Variants in MPP3 observed in about 807,000 individuals in gnomAD.
MPP3 encodes MAGUK p55 scaffold protein 3.
MPP3 carries 48 observed loss-of-function variants against 80.7 expected under a neutral mutation model. The observed-to-expected ratio is 0.59, with a 90% confidence interval of 0.47 to 0.76. MPP3 has a LOEUF of 0.76. MPP3 is among the 30% of genes least tolerant of loss of function. The probability of loss-of-function intolerance (pLI) is 0.00; values close to 1 mark genes in which losing one functional copy is unlikely to be tolerated. For missense variants in MPP3, 620 were observed against 763.0 expected, an observed-to-expected ratio of 0.81 and a Z score of 2.21; for synonymous variants, 311 against 297.6, an observed-to-expected ratio of 1.04 and a Z score of -0.46.
At chr17:43,828,484 G>A (rs1373098272) in intron 7 of MPP3, among the ~76,000 whole-genome samples, 1 of 152,180 alleles carries the variant, frequency 6.6e-6, no homozygotes, top group South Asian at 2.1e-4. Context: ...CAGTTCTGCC[G>A]TTTACAAAAA....
chr17:43,824,887 G>A (rs995649807), intron 9 of MPP3, among the ~76,000 whole-genome samples: 1 of 152,154 alleles, frequency 6.6e-6, no homozygotes, highest in Non-Finnish European at 1.5e-5. Flanking sequence ...CAATTCTCCT[G>A]CCTCAGCCTC....
chr17:43,830,550 T>G (rs951440358), intron 5 of MPP3, among the ~76,000 whole-genome samples: 2 of 151,940 alleles, frequency 1.3e-5, no homozygotes, highest in African/African-American at 4.8e-5. Context: ...CTCAGAGAGG[T>G]TGAGTGGCCT....
chr17:43,829,524 T>G, intron 7 of MPP3, 130 bp downstream of exon 7: 1 of 1,071,008 alleles, frequency 9.3e-7, no homozygotes, highest in Non-Finnish European at 1.3e-6. Context: ...ACCACAGGGA[T>G]GAGCAGCAGC....
Position 43,823,920 on chromosome 17 carries a change from C to CT in MPP3, c.684+10_684+11insA. On this transcript the variant is annotated intron_variant, in intron 10 of 19. Coordinates refer to ENST00000398389, the MANE Select transcript of MPP3 (RefSeq NM_001932.6). ...GCTGAGAGAGGGCACCGCGGACCCA[C>CT]CTCCCCATACCTTGCTCTCCTTTAA... is the stretch of plus-strand genomic sequence containing the variant. The CT allele has an allele frequency of 6.2e-7, 1 of 1,605,574 alleles. No homozygotes were observed. The highest frequency in any genetic ancestry group is 8.5e-7 in the Non-Finnish European group (1 of 1,175,872).
intron 5 of MPP3, 82 bp downstream of exon 5, chr17:43,831,162 C>T: frequency 7.4e-7 from 1 of 1,345,488 alleles, no homozygotes; most frequent in South Asian, 1.2e-5. Flanking sequence ...GGTGTCCCCA[C>T]ACTAAGCAAG....
At chr17:43,815,066 G>A (rs115197238) in intron 14 of MPP3, among the ~76,000 whole-genome samples, 175 of 152,344 alleles carry the variant, frequency 1.1e-3, no homozygotes, top group African/African-American at 4.1e-3. Context: ...GGGTGCAGTG[G>A]CTCATGCCTG....
In MPP3 at chr17:43,820,887, T is replaced by C. The variant is rs1180322786; in HGVS notation, c.856A>G (p.Ile286Val). Residue 286 changes from isoleucine (I) to valine (V), a missense_variant, in exon 11 of 20, where the codon ATC becomes GTC. Transcript: ENST00000398389. The stretch of plus-strand genomic sequence containing the variant: ...CTCTCCTGGAACCCCTTGGAGGGGA[T>C]GAGGCCGGCTCGAAGGTTGGTGTCC... Reference protein sequence around the residue: ...VGDTNLRAGLIPSKGFQERRL... With the variant: ...VGDTNLRAGLVPSKGFQERRL... The C allele has an allele frequency of 1.2e-6, 2 of 1,614,186 alleles. No individual in the cohort carries two copies. The highest frequency in any genetic ancestry group is 2.2e-5 in the South Asian group (2 of 91,088).
At chr17:43,820,603 A>AT (rs1264169757) in intron 11 of MPP3, among the ~76,000 whole-genome samples, 49 of 127,602 alleles carry the variant, frequency 3.8e-4, no homozygotes, top group African/African-American at 1.6e-3. Flanking sequence ...AAAAAAAAAA[A>AT]ATACACACAC....
At chr17:43,801,937 A>G (rs984326645) in intron 19 of MPP3, 60 bp from the exon 20 acceptor site, 2 of 1,536,836 alleles carry the variant, frequency 1.3e-6, no homozygotes. Flanking sequence ...CAAACCTATA[A>G]CCTTTGTCTT....
At chr17:43,821,792 GA>G (rs1388318872) in intron 10 of MPP3, among the ~76,000 whole-genome samples, 1 of 150,396 alleles carries the variant, frequency 6.6e-6, no homozygotes, top group South Asian at 2.1e-4. Flanking sequence ...TGGCAAACAG[GA>G]AAAAAAAAGC....
At chr17:43,803,368 CGT>C (rs2044490157) in intron 19 of MPP3, among the ~76,000 whole-genome samples, 1 of 152,172 alleles carries the variant, frequency 6.6e-6, no homozygotes, top group Non-Finnish European at 1.5e-5. Context: ...GGAGTAAAAA[CGT>C]GTGACATTTG....
chr17:43,815,996 T>G lies in MPP3; in HGVS notation c.1009+42A>C, dbSNP rs747250118. On this transcript the variant is annotated intron_variant, in intron 14 of 19. Coordinates refer to ENST00000398389, the MANE Select transcript of MPP3 (RefSeq NM_001932.6). ...CTCTCCCTAACTCTGGGGCCTTGGG[T>G]GGGGCAGGTCGTGCATGTGGGTGTC... The G allele has an allele frequency of 4.1e-6, 6 of 1,462,858 alleles. No individual in the cohort carries two copies. The Admixed American group carries it at 1.7e-4, about 43-fold the overall frequency. The allele number at this position is 1,462,858 out of a possible 1,614,324, so 90.6% of individuals were successfully genotyped here.
intron 17 of MPP3, 73 bp from the exon 18 acceptor site, chr17:43,810,988 C>G (rs1598329737): frequency 7.0e-7 from 1 of 1,425,536 alleles, no homozygotes; most frequent in East Asian, 2.3e-5. Flanking sequence ...AAGGGGACCT[C>G]CCAACATGAC....
At chr17:43,804,585 T>C (rs2154591087) in intron 19 of MPP3, among the ~76,000 whole-genome samples, 1 of 152,224 alleles carries the variant, frequency 6.6e-6, no homozygotes, top group Non-Finnish European at 1.5e-5. Flanking sequence ...ACTATAAATA[T>C]CTTAAAAGAA....
Position 43,820,875 on chromosome 17 carries a change from C to T in MPP3, c.868G>A (p.Gly290Arg). 1.2e-6 allele frequency: 2 copies of T among 1,614,178 alleles called. No individual in the cohort carries two copies. The highest frequency in any genetic ancestry group is 1.7e-6 in the Non-Finnish European group (2 of 1,180,012). ...NLRAGLIPSK[G>R]FQERRLSYRR... ...CCCCAGACCCACCTCTCCTGGAACC[C>T]CTTGGAGGGGATGAGGCCGGCTCGA... The change falls in exon 11 of 20, where the codon GGG becomes AGG. Residue 290 changes from glycine to arginine, a missense_variant. Transcript: ENST00000398389.
At chr17:43,827,943 A>G in intron 7 of MPP3, 111 bp from the exon 8 acceptor site, 1 of 978,736 alleles carries the variant, frequency 1.0e-6, no homozygotes, top group Middle Eastern at 2.1e-4. Flanking sequence ...CAGTCCAGAG[A>G]GATCAGTGGG....
chr17:43,819,602 T>C (rs912208477), intron 11 of MPP3, among the ~76,000 whole-genome samples: 27 of 151,982 alleles, frequency 1.8e-4, no homozygotes, highest in African/African-American at 6.5e-4. Context: ...CACTGAACTA[T>C]AAGCTCCTCC....
chr17:43,822,812 C>G (rs1209470155), intron 10 of MPP3, among the ~76,000 whole-genome samples: 1 of 152,068 alleles, frequency 6.6e-6, no homozygotes, highest in Non-Finnish European at 1.5e-5. Context: ...ACCTGCATCT[C>G]TTTGCCTAAG....
At position 43,810,808 on chromosome 17, in the gene MPP3, T is replaced by G; in HGVS notation, c.1457A>C (p.Glu486Ala). 6.2e-7 allele frequency: 1 copy of G among 1,602,298 alleles called. No homozygotes were observed. Among genetic ancestry groups the G allele is most frequent in the South Asian group, 1.1e-5 (1 of 88,704 alleles). ...NKVCLVDVEPEALKQLRTSEF... is the reference protein window; with the variant it reads ...NKVCLVDVEPAALKQLRTSEF... ...TGGCCAGCAGGCCCAGCAACTCACT[T>G]CTGGCTCCACATCCACCAAACAAAC... Residue 486 changes from glutamate to alanine, a missense_variant and splice_region_variant, in exon 18 of 20, where the codon GAA becomes GCA. Coordinates refer to ENST00000398389, the MANE Select transcript of MPP3 (RefSeq NM_001932.6).
Sources: allele counts gnomAD v4.1 joint callset (sites outside exome capture counted in the v4.1 genomes callset), GRCh38; gene constraint gnomAD v4.1.1; transcripts MANE v1.5; gene names NCBI Gene and HGNC (gene_info 2026-07-23, HGNC 2026-07-21).